The following TMPRSS15 variants were observed in gnomAD, a reference collection of about 807,000 sequenced individuals.
The protein encoded by TMPRSS15 is enteropeptidase.
In TMPRSS15, 128 loss-of-function variants were observed where a neutral mutation model predicts 125.3. The ratio of observed to expected loss-of-function variants is 1.02; its 90% CI spans 0.89 to 1.18. TMPRSS15 has a LOEUF of 1.18. Among genes scored for constraint, TMPRSS15 ranks in the 50% most tolerant of loss-of-function variants. The probability of loss-of-function intolerance (pLI) is 0.00; values close to 1 mark genes in which losing one functional copy is unlikely to be tolerated. For missense variants in TMPRSS15, 1,283 were observed against 1,212.7 expected, an observed-to-expected ratio of 1.06 and a Z score of -0.86; for synonymous variants, 446 against 423.2, an observed-to-expected ratio of 1.05 and a Z score of -0.66.
chr21:18,446,046 T>C (rs2076255175), intron 1 of TMPRSS15, among the ~76,000 whole-genome samples: 1 of 152,228 alleles, frequency 6.6e-6, no homozygotes, highest in Admixed American at 6.5e-5. Context: ...CATGATCTTA[T>C]ACTTAGGAAA....
At position 18,326,572 on chromosome 21, in the gene TMPRSS15, G is replaced by A; in HGVS notation, c.1781C>T (p.Ala594Val). ...DGEEADSLLL[A>V]VYTGPGPVKD... ...TACTGGGCCAGGCCCTGTGTACACA[G>A]CTGTTCCAAAGGAAAACGAGATAAT... Residue 594 changes from alanine (A) to valine (V), a missense_variant and splice_region_variant, in exon 16 of 25, where the codon GCT becomes GTT. Transcript: ENST00000284885. 6.2e-7 allele frequency: 1 copy of A among 1,614,068 alleles called. No individual in the cohort carries two copies.
chr21:18,365,418 T>C (rs1283907851), intron 6 of TMPRSS15, among the ~76,000 whole-genome samples, 170 bp from the exon 7 acceptor site: 2 of 152,190 alleles, frequency 1.3e-5, no homozygotes, highest in African/African-American at 4.8e-5. Context: ...CAAATACTCA[T>C]ACACATCCTA....
intron 15 of TMPRSS15, among the ~76,000 whole-genome samples, chr21:18,327,283 G>C (rs572069154): frequency 1.3e-5 from 2 of 152,238 alleles, no homozygotes; most frequent in Admixed American, 1.3e-4. Flanking sequence ...CAGATGAAAT[G>C]ATACGTTTTA....
rs13050432 is a variant in TMPRSS15, at chr21:18,315,726, T to C, written c.1922-470A>G. 2.3e-3 allele frequency among the ~76,000 whole-genome samples: 170 copies of C among 73,896 alleles called. 10 individuals carry two copies. Among genetic ancestry groups the C allele is most frequent in the African/African-American group, 5.2e-3 (129 of 24,946 alleles). 48.5% of individuals were successfully genotyped at this position (73,896 alleles called of 152,430 possible). On this transcript the variant is annotated intron_variant, in intron 16 of 24. Coordinates refer to ENST00000284885, the MANE Select transcript of TMPRSS15 (RefSeq NM_002772.3). Reference sequence around the variant, plus strand: ...CCTTTGCCACAGCTCAAGGTGGAGCTAGCTTTGATACTGAGTAAATGACGA... The same window carrying C: ...CCTTTGCCACAGCTCAAGGTGGAGCCAGCTTTGATACTGAGTAAATGACGA...
rs771914509 is a variant in TMPRSS15 at position 18,398,327 on chromosome 21, C to T, written c.148G>A (p.Ala50Thr). The T allele has an allele frequency of 3.1e-6, 5 of 1,613,406 alleles. No individual in the cohort carries two copies. The South Asian group carries it at 3.3e-5, about 11-fold the overall frequency. The change falls in exon 2 of 25, where the codon GCA becomes ACA. Residue 50 changes from alanine to threonine, a missense_variant and splice_region_variant. Transcript: ENST00000284885. ...GCTTCATGACTCTGTCCAAGTGCTG[C>T]ACCTAGATAAATTAATAAGGAAAAA... is the stretch of plus-strand genomic sequence containing the variant. Reference protein sequence around the residue: ...CLTIKESQRGAALGQSHEARA... With the variant: ...CLTIKESQRGTALGQSHEARA...
chr21:18,308,376 T>TACACACAC (rs3138687), intron 18 of TMPRSS15, among the ~76,000 whole-genome samples: 1,509 of 148,712 alleles, frequency 0.01, 19 homozygotes, highest in Middle Eastern at 0.049. Flanking sequence ...TAAAAAGAAT[T>TACACACAC]ACACACACAC....
At chr21:18,428,824 A>G (rs2076209938) in intron 1 of TMPRSS15, among the ~76,000 whole-genome samples, 1 of 152,174 alleles carries the variant, frequency 6.6e-6, no homozygotes, top group African/African-American at 2.4e-5. Flanking sequence ...GTGGGGTTGG[A>G]GCACACAGAG....
chr21:18,283,093 A>T (rs1448144868), intron 21 of TMPRSS15, among the ~76,000 whole-genome samples: 1 of 152,150 alleles, frequency 6.6e-6, no homozygotes, highest in Non-Finnish European at 1.5e-5. Flanking sequence ...TCCAGGTCAG[A>T]GGAATCTGTA....
chr21:18,372,692 G>A (rs892738131), intron 5 of TMPRSS15, among the ~76,000 whole-genome samples: 1 of 152,160 alleles, frequency 6.6e-6, no homozygotes, highest in Non-Finnish European at 1.5e-5. Flanking sequence ...AGTGCATTGT[G>A]ACATTGAACA....
At chr21:18,410,731 A>G (rs1195230149) in intron 1 of TMPRSS15, among the ~76,000 whole-genome samples, 1 of 151,990 alleles carries the variant, frequency 6.6e-6, no homozygotes, top group African/African-American at 2.4e-5. Flanking sequence ...CTGGTTTGAA[A>G]CCAGTTTATA....
intron 10 of TMPRSS15, among the ~76,000 whole-genome samples, chr21:18,347,243 A>AT (rs1190563856): frequency 6.6e-6 from 1 of 150,992 alleles, no homozygotes; most frequent in Non-Finnish European, 1.5e-5. Flanking sequence ...TCATGTATAT[A>AT]TTTTTTTTCT....
At chr21:18,349,140 C>T (rs190450415) in intron 10 of TMPRSS15, among the ~76,000 whole-genome samples, 23 of 152,262 alleles carry the variant, frequency 1.5e-4, no homozygotes, top group Non-Finnish European at 2.1e-4. Context: ...GTAAAGGAAA[C>T]GAAAGAAACA....
At chr21:18,392,347 C>T (rs910733050) in intron 3 of TMPRSS15, among the ~76,000 whole-genome samples, 4 of 152,144 alleles carry the variant, frequency 2.6e-5, no homozygotes, top group African/African-American at 7.2e-5. Context: ...TCATCACTCT[C>T]AAGTTCAAAA....
Position 18,442,164 on chromosome 21 carries a change from T to G in TMPRSS15, c.10+43635A>C, listed in dbSNP as rs183792816. On this transcript the variant is annotated intron_variant, in intron 1 of 7. Transcript: ENST00000422787. Reference sequence around the variant, plus strand: ...TTTTACTTTAACATCAATGAATTGTTTTTTCTTAGTTACCTTGAGTCTTAT... The same window carrying G: ...TTTTACTTTAACATCAATGAATTGTGTTTTCTTAGTTACCTTGAGTCTTAT... 9.6e-3 allele frequency among the ~76,000 whole-genome samples: 1,456 copies of G among 152,354 alleles called. 8 individuals carry two copies. Among genetic ancestry groups the G allele is most frequent in the Non-Finnish European group, 0.013 (913 of 68,040 alleles).
intron 1 of TMPRSS15, among the ~76,000 whole-genome samples, chr21:18,434,612 C>A (rs2076223900): frequency 6.6e-6 from 1 of 151,930 alleles, no homozygotes; most frequent in Non-Finnish European, 1.5e-5. Flanking sequence ...GGATTACTAC[C>A]CTACAGGAAC....
intron 3 of TMPRSS15, among the ~76,000 whole-genome samples, chr21:18,387,782 A>C (rs1432946682): frequency 1.3e-5 from 2 of 152,126 alleles, no homozygotes; most frequent in African/African-American, 4.8e-5. Context: ...ATACACATAC[A>C]TGGTGTGAGT....
chr21:18,358,668 C>A (rs1401458903), intron 8 of TMPRSS15, among the ~76,000 whole-genome samples: 9 of 151,802 alleles, frequency 5.9e-5, no homozygotes, highest in Non-Finnish European at 2.9e-5. Context: ...TTGATTTCTG[C>A]CTCCAACACT....
chr21:18,309,687 A>C (rs1169580045), intron 18 of TMPRSS15, among the ~76,000 whole-genome samples: 1 of 152,218 alleles, frequency 6.6e-6, no homozygotes, highest in Non-Finnish European at 1.5e-5. Flanking sequence ...AAAGTTCATC[A>C]TCACTGGTCA....
chr21:18,293,583 G>C (rs2074864020), intron 21 of TMPRSS15, among the ~76,000 whole-genome samples: 1 of 152,106 alleles, frequency 6.6e-6, no homozygotes, highest in Admixed American at 6.5e-5. Context: ...ACATGTTCTT[G>C]GGTCCAGGAT....
Sources: allele counts gnomAD v4.1 joint callset (sites outside exome capture counted in the v4.1 genomes callset), GRCh38; gene constraint gnomAD v4.1.1; transcripts MANE v1.5; gene names NCBI Gene and HGNC (gene_info 2026-07-23, HGNC 2026-07-21).